Variants in RSPO3 observed in about 807,000 individuals in gnomAD.
RSPO3 encodes R-spondin 3, also known as R-spondin-3.
A neutral mutation model predicts 36.5 loss-of-function variants in RSPO3; 17 were observed. The observed-to-expected ratio is 0.47, with a 90% CI of 0.32 to 0.70. RSPO3 has a LOEUF of 0.70. Among genes scored for constraint, RSPO3 ranks in the 30% least tolerant of loss-of-function variants. RSPO3 has a pLI of 0.04. For synonymous variants in RSPO3, 108 were observed against 107.0 expected, an observed-to-expected ratio of 1.01 and a Z score of -0.06; for missense variants, 294 against 322.5, an observed-to-expected ratio of 0.91 and a Z score of 0.68.
intron 4 of RSPO3, among the ~76,000 whole-genome samples, chr6:127,194,001 G>A (rs963847855): frequency 6.6e-6 from 1 of 152,122 alleles, no homozygotes; most frequent in Non-Finnish European, 1.5e-5. Context: ...TGTCCCTTTA[G>A]ATTCCAGAAT....
At chr6:127,170,719 C>T (rs1482626882) in intron 4 of RSPO3, among the ~76,000 whole-genome samples, 1 of 151,670 alleles carries the variant, frequency 6.6e-6, no homozygotes, top group Non-Finnish European at 1.5e-5. Flanking sequence ...AAAATTCTAA[C>T]TCACGCCACA....
chr6:127,146,334 A>G (rs1041421556), intron 1 of RSPO3, among the ~76,000 whole-genome samples: 2 of 152,086 alleles, frequency 1.3e-5, no homozygotes, highest in Non-Finnish European at 2.9e-5. Context: ...TTGTAGCACA[A>G]TGTTGACTGT....
intron 1 of RSPO3, among the ~76,000 whole-genome samples, chr6:127,123,539 C>T (rs1402612422): frequency 2.6e-5 from 4 of 152,088 alleles, no homozygotes; most frequent in Non-Finnish European, 5.9e-5. Flanking sequence ...ATCATCATTA[C>T]ATTATCAGGG....
At chr6:127,195,684 G>T (rs1347365110) in intron 4 of RSPO3, 139 bp from the exon 5 acceptor site, 1 of 592,882 alleles carries the variant, frequency 1.7e-6, no homozygotes, top group Non-Finnish European at 2.8e-6. Context: ...AATAATAGTT[G>T]AATGATTGAA....
intron 4 of RSPO3, among the ~76,000 whole-genome samples, chr6:127,155,790 A>C (rs562938286): frequency 4.7e-4 from 72 of 152,236 alleles, no homozygotes; most frequent in Non-Finnish European, 6.8e-4. Context: ...AGAACAAGAC[A>C]AAGAAACACC....
intron 1 of RSPO3, among the ~76,000 whole-genome samples, chr6:127,143,646 GA>G (rs1203725806): frequency 1.3e-5 from 2 of 152,056 alleles, no homozygotes; most frequent in African/African-American, 4.8e-5. Context: ...TACATTTCTG[GA>G]AATTAGCTAC....
intron 4 of RSPO3, among the ~76,000 whole-genome samples, chr6:127,175,092 C>A (rs1026568590): frequency 3.0e-4 from 45 of 151,830 alleles, no homozygotes; most frequent in African/African-American, 9.9e-4. Context: ...GTGATTTTCC[C>A]CAGCTTATCA....
intron 4 of RSPO3, among the ~76,000 whole-genome samples, chr6:127,161,845 A>G (rs1774716015): frequency 6.6e-6 from 1 of 152,172 alleles, no homozygotes; most frequent in South Asian, 2.1e-4. Flanking sequence ...TCCTAAGCAA[A>G]CAATGATCTT....
chr6:127,171,766 G>T (rs4897202), intron 4 of RSPO3, among the ~76,000 whole-genome samples: 1 of 151,488 alleles, frequency 6.6e-6, no homozygotes, highest in East Asian at 1.9e-4. Flanking sequence ...TTGCAAACTA[G>T]CTTCAAATTG....
At chr6:127,165,528 T>C (rs1477514144) in intron 4 of RSPO3, among the ~76,000 whole-genome samples, 2 of 152,002 alleles carry the variant, frequency 1.3e-5, no homozygotes, top group African/African-American at 2.4e-5. Flanking sequence ...TTTGTCAAGG[T>C]CTTGAAATGT....
chr6:127,189,536 C>T (rs1208318579), intron 4 of RSPO3, among the ~76,000 whole-genome samples: 2 of 152,220 alleles, frequency 1.3e-5, no homozygotes, highest in South Asian at 4.2e-4. Flanking sequence ...ATACTCAGTG[C>T]CTTCCAATCA....
intron 4 of RSPO3, among the ~76,000 whole-genome samples, chr6:127,183,784 T>C (rs1362659554): frequency 6.6e-6 from 1 of 151,924 alleles, no homozygotes; most frequent in Non-Finnish European, 1.5e-5. Flanking sequence ...AATCAGGGAA[T>C]CACTGCTAGA....
chr6:127,133,020 A>G (rs1774087769), intron 1 of RSPO3, among the ~76,000 whole-genome samples: 1 of 152,132 alleles, frequency 6.6e-6, no homozygotes, highest in South Asian at 2.1e-4. Context: ...CTTTGTTGGT[A>G]AGTCACAATA....
At chr6:127,174,436 G>A (rs1775006163) in intron 4 of RSPO3, among the ~76,000 whole-genome samples, 1 of 151,900 alleles carries the variant, frequency 6.6e-6, no homozygotes, top group South Asian at 2.1e-4. Context: ...TTTTGAAATG[G>A]TGGATATGTT....
At chr6:127,147,043 G>A (rs2503111) in intron 1 of RSPO3, among the ~76,000 whole-genome samples, 84,904 of 151,762 alleles carry the variant, frequency 0.56, 23,765 homozygotes, top group African/African-American at 0.6. Flanking sequence ...TGACTACCCC[G>A]CCCCCACAGA....
At chr6:127,166,469 A>T (rs1774822399) in intron 4 of RSPO3, among the ~76,000 whole-genome samples, 1 of 152,006 alleles carries the variant, frequency 6.6e-6, no homozygotes, top group South Asian at 2.1e-4. Context: ...CTTTTTAACT[A>T]TCGCTATGAC....
chr6:127,125,701 G>A (rs1311729135), intron 1 of RSPO3, among the ~76,000 whole-genome samples: 2 of 152,220 alleles, frequency 1.3e-5, no homozygotes, highest in Non-Finnish European at 2.9e-5. Context: ...GATCAATGTG[G>A]ATAATGAATT....
At chr6:127,192,790 G>C in intron 4 of RSPO3, 2 of 606,444 alleles carry the variant, frequency 3.3e-6, no homozygotes, top group Non-Finnish European at 4.1e-6. Flanking sequence ...ATATATATGT[G>C]TGTGTATATA....
At chr6:127,154,072 A>T (rs948117812) in intron 3 of RSPO3, among the ~76,000 whole-genome samples, 1 of 152,186 alleles carries the variant, frequency 6.6e-6, no homozygotes, top group African/African-American at 2.4e-5. Flanking sequence ...CAGGGACCTG[A>T]AAGTGTCTGA....
Sources: allele counts gnomAD v4.1 joint callset (sites outside exome capture counted in the v4.1 genomes callset), GRCh38; gene constraint gnomAD v4.1.1; transcripts MANE v1.5; gene names NCBI Gene and HGNC (gene_info 2026-07-23, HGNC 2026-07-21).